JAKMIP1: variants seen among roughly 807,000 people sequenced by gnomAD.
JAKMIP1 encodes janus kinase and microtubule interacting protein 1, also known as janus kinase and microtubule-interacting protein 1.
Under a neutral mutation model 113.0 loss-of-function variants are expected in JAKMIP1, and 33 were observed. The ratio of observed to expected loss-of-function variants is 0.29; its 90% CI spans 0.22 to 0.39. The LOEUF is 0.39. Among genes scored for constraint, JAKMIP1 ranks in the 10% least tolerant of loss-of-function variants. The pLI, the probability that JAKMIP1 is intolerant of heterozygous loss-of-function variation, is 1.00. For missense variants in JAKMIP1, 813 were observed against 1,080.5 expected, an observed-to-expected ratio of 0.75 and a Z score of 3.47; for synonymous variants, 480 against 459.9, an observed-to-expected ratio of 1.04 and a Z score of -0.56.
At chr4:6,045,869 C>CA (rs755039662) in intron 16 of JAKMIP1, among the ~76,000 whole-genome samples, 33 of 146,914 alleles carry the variant, frequency 2.2e-4, no homozygotes, top group South Asian at 1.1e-3. Context: ...GACTCTGTCT[C>CA]AAAAAAAAAA....
rs111380861 is a variant in JAKMIP1, at chr4:6,068,092, G to A, written c.1303-3084C>T. On this transcript the variant is annotated intron_variant, in intron 8 of 20. Coordinates refer to ENST00000409021, the MANE Select transcript of JAKMIP1 (RefSeq NM_001099433.2). ...GACTCAATGCTCAATTACCTAGGAC[G>A]ATCCACTGTGAAGGCTCTGCAGGAC... Among the ~76,000 whole-genome samples, 334 of 152,292 alleles carry A rather than the reference G, an allele frequency of 2.2e-3. 1 individual carries two copies. Among genetic ancestry groups the A allele is most frequent in the African/African-American group, 7.3e-3 (302 of 41,562 alleles).
chr4:6,159,626 C>T (rs1395454314), intron 1 of JAKMIP1, among the ~76,000 whole-genome samples: 1 of 152,144 alleles, frequency 6.6e-6, no homozygotes, highest in African/African-American at 2.4e-5. Context: ...GAAACAAGAA[C>T]CAGGATACAA....
chr4:6,101,237 A>G (rs1012133313), intron 3 of JAKMIP1, among the ~76,000 whole-genome samples: 1 of 151,798 alleles, frequency 6.6e-6, no homozygotes, highest in African/African-American at 2.4e-5. Context: ...TATGATATAG[A>G]CTTCATACTC....
chr4:6,096,357 C>A (rs1252114012), intron 3 of JAKMIP1, among the ~76,000 whole-genome samples: 1 of 152,136 alleles, frequency 6.6e-6, no homozygotes, highest in Non-Finnish European at 1.5e-5. Flanking sequence ...ATTATAAATT[C>A]CCATTGTTCC....
rs961409968 is a variant in JAKMIP1 at position 6,155,111 on chromosome 4, G to T, written c.-147-42114C>A. 5.9e-5 allele frequency among the ~76,000 whole-genome samples: 9 copies of T among 152,146 alleles called. No homozygotes were observed. Among genetic ancestry groups the T allele is most frequent in the African/African-American group, 2.2e-4 (9 of 41,420 alleles). On this transcript the variant is annotated intron_variant, in intron 1 of 20. Transcript: ENST00000409021. This position sits in a 1 kb window ranked among gnomAD's most constrained non-coding sequence, Gnocchi z 6.1. ...ATACTTCTGGTGACAGTGTTGGGGT[G>T]TGCTGAAATTGGATCTGTGACAATG...
At chr4:6,171,924 C>A (rs1724779208) in intron 1 of JAKMIP1, among the ~76,000 whole-genome samples, 1 of 152,222 alleles carries the variant, frequency 6.6e-6, no homozygotes. Flanking sequence ...CAAAGCCATG[C>A]AGACATTTAA....
chr4:6,124,242 T>C (rs1717107179), intron 1 of JAKMIP1, among the ~76,000 whole-genome samples: 1 of 152,222 alleles, frequency 6.6e-6, no homozygotes, highest in Non-Finnish European at 1.5e-5. Flanking sequence ...GGGCCACCTG[T>C]GGCCAGGGCT....
At chr4:6,053,166 A>G (rs1307717256) in intron 13 of JAKMIP1, among the ~76,000 whole-genome samples, 1 of 152,262 alleles carries the variant, frequency 6.6e-6, no homozygotes, top group East Asian at 1.9e-4. Context: ...TTCAACAGAA[A>G]CAAAAAAAAG....
intron 1 of JAKMIP1, among the ~76,000 whole-genome samples, chr4:6,132,288 A>C (rs1022449881): frequency 3.3e-5 from 5 of 152,196 alleles, no homozygotes; most frequent in Admixed American, 1.3e-4. Context: ...TACTAAAAAA[A>C]GTTTTTTAAA....
rs190926666 is a variant in JAKMIP1 at position 6,056,498 on chromosome 4, G to T, written c.1707+199C>A. Among the ~76,000 whole-genome samples, 28 of 152,374 alleles carry T rather than the reference G, an allele frequency of 1.8e-4. No homozygotes were observed. The East Asian group carries it at 4.6e-3, about 25-fold the overall frequency. ...GACCTAAACCAGCTCTGCAGACCTG[G>T]TCCCAGAGGATAGAACCACAGATGT... On this transcript the variant is annotated intron_variant, in intron 12 of 20. Coordinates refer to ENST00000409021, the MANE Select transcript of JAKMIP1 (RefSeq NM_001099433.2).
At chr4:6,164,687 T>C (rs1466340569) in intron 1 of JAKMIP1, among the ~76,000 whole-genome samples, 2 of 152,204 alleles carry the variant, frequency 1.3e-5, no homozygotes. Flanking sequence ...GGTCAAAATA[T>C]TAACACTAAC....
rs1727539187 is a variant in JAKMIP1 at position 6,193,795 on chromosome 4, A to C, written c.-148+6458T>G. ...AGTGAGCAGGGGAGGAGAGGGTGGA[A>C]GAGCCTGCAGAATAGGACCTGAGCA... On this transcript the variant is annotated intron_variant, in intron 1 of 20. Transcript: ENST00000409021. This position sits in a 1 kb window ranked among gnomAD's most constrained non-coding sequence, Gnocchi z 6.4. Among the ~76,000 whole-genome samples the C allele has an allele frequency of 6.6e-6, 1 of 152,182 alleles. No homozygotes were observed. The highest frequency in any genetic ancestry group is 1.5e-5 in the Non-Finnish European group (1 of 68,030).
In JAKMIP1 at chr4:6,085,618, G is replaced by T; in HGVS notation, c.636C>A (p.Ile212=). Reference sequence around the variant, plus strand: ...CCAGAATCACACGGTCTTTCCCTTTGATCTCATCCATCTGAAAAGGAGAAA... The same window carrying T: ...CCAGAATCACACGGTCTTTCCCTTTTATCTCATCCATCTGAAAAGGAGAAA... ...ERDIRRLMDE[I]KGKDRVILAL... Residue 212 remains isoleucine (I), a synonymous_variant, in exon 4 of 21, where the codon ATC becomes ATA. Coordinates refer to ENST00000409021, the MANE Select transcript of JAKMIP1 (RefSeq NM_001099433.2). 1 of 1,614,000 alleles carries T rather than the reference G, an allele frequency of 6.2e-7. No individual in the cohort carries two copies. Among genetic ancestry groups the T allele is most frequent in the South Asian group, 1.1e-5 (1 of 91,082 alleles).
chr4:6,079,912 T>A lies in JAKMIP1; in HGVS notation c.1242+260A>T, dbSNP rs372940409. Among the ~76,000 whole-genome samples, 5 of 152,238 alleles carry A rather than the reference T, an allele frequency of 3.3e-5. No individual in the cohort carries two copies. The East Asian group carries it at 9.6e-4, about 29-fold the overall frequency. On this transcript the variant is annotated intron_variant, in intron 7 of 20. Coordinates refer to ENST00000409021, the MANE Select transcript of JAKMIP1 (RefSeq NM_001099433.2). ...CTGATGCTTCTCAATCACAGCAAGCTAGGGAGAAGATGTGAGAAAAGGGTA... is the reference window on the plus strand; with the variant it reads ...CTGATGCTTCTCAATCACAGCAAGCAAGGGAGAAGATGTGAGAAAAGGGTA...
rs980007795 is a variant in JAKMIP1 at position 6,061,960 on chromosome 4, G to A, written c.1560+352C>T. 5.9e-5 allele frequency among the ~76,000 whole-genome samples: 9 copies of A among 152,200 alleles called. No homozygotes were observed. Among genetic ancestry groups the A allele is most frequent in the Non-Finnish European group, 1.0e-4 (7 of 68,026 alleles). Reference sequence around the variant, plus strand: ...TTCTGGTGGATGTCCTGGAGGGCGGGGGGCTGGCAGCCCTGGAGGGAGCGG... The same window carrying A: ...TTCTGGTGGATGTCCTGGAGGGCGGAGGGCTGGCAGCCCTGGAGGGAGCGG... On this transcript the variant is annotated intron_variant, in intron 10 of 20. Coordinates refer to ENST00000409021, the MANE Select transcript of JAKMIP1 (RefSeq NM_001099433.2). The surrounding 1 kb of genome is among the most constrained non-coding windows in gnomAD (Gnocchi z 5.3).
chr4:6,174,744 C>A (rs1483312730), intron 1 of JAKMIP1, among the ~76,000 whole-genome samples: 2 of 152,054 alleles, frequency 1.3e-5, no homozygotes, highest in African/African-American at 4.8e-5. Flanking sequence ...AGCCCCACCC[C>A]CTCCCTGCTC....
chr4:6,198,376 CAG>C (rs1431174682), intron 1 of JAKMIP1, among the ~76,000 whole-genome samples: 1 of 151,818 alleles, frequency 6.6e-6, no homozygotes, highest in Non-Finnish European at 1.5e-5. Flanking sequence ...CTACGCAACA[CAG>C]AGGCAGCAGG....
Position 6,064,130 on chromosome 4 carries a change from G to A in JAKMIP1, c.1431+750C>T, listed in dbSNP as rs1717707026. Among the ~76,000 whole-genome samples the A allele has an allele frequency of 6.6e-6, 1 of 152,224 alleles. No individual in the cohort carries two copies. Among genetic ancestry groups the A allele is most frequent in the Admixed American group, 6.5e-5 (1 of 15,288 alleles). On this transcript the variant is annotated intron_variant, in intron 9 of 20. Transcript: ENST00000409021. The surrounding 1 kb of genome is among the most constrained non-coding windows in gnomAD (Gnocchi z 4.3). ...GCAGCCAAGCCTGACGCAGGCCCTG[G>A]TGGGGAGCAAGGGGAAGGTCTGCGC...
At chr4:6,054,540 C>T (rs900248704) in intron 12 of JAKMIP1, among the ~76,000 whole-genome samples, 1 of 152,202 alleles carries the variant, frequency 6.6e-6, no homozygotes, top group Non-Finnish European at 1.5e-5. Flanking sequence ...CTTTCCAACT[C>T]AAGCCCCACC....
Sources: allele counts gnomAD v4.1 joint callset (sites outside exome capture counted in the v4.1 genomes callset), GRCh38; gene constraint gnomAD v4.1.1; non-coding constraint Gnocchi (gnomAD v3.1); transcripts MANE v1.5; gene names NCBI Gene and HGNC (gene_info 2026-07-23, HGNC 2026-07-21).